Variants in PELI2 observed in about 807,000 individuals in gnomAD.
PELI2 encodes the protein pellino E3 ubiquitin protein ligase family member 2.
In PELI2, 23 loss-of-function variants were observed where a neutral mutation model predicts 42.3. The ratio of observed to expected loss-of-function variants is 0.54; its 90% CI spans 0.39 to 0.77. PELI2 has a LOEUF of 0.77. PELI2 is among the 30% of genes least tolerant of loss of function. The pLI is 0.00. For synonymous variants in PELI2, 245 were observed against 212.2 expected, an observed-to-expected ratio of 1.15 and a Z score of -1.34; for missense variants, 463 against 553.2, an observed-to-expected ratio of 0.84 and a Z score of 1.64.
chr14:56,192,140 C>A (rs1032762915), intron 2 of PELI2, among the ~76,000 whole-genome samples: 2 of 152,198 alleles, frequency 1.3e-5, no homozygotes, highest in Non-Finnish European at 2.9e-5. Context: ...CAGGTGTGAG[C>A]CACCGCACTT....
chr14:56,290,186 A>C, intron 4 of PELI2, 82 bp from the exon 5 acceptor site: 2 of 1,083,978 alleles, frequency 1.8e-6, no homozygotes, highest in Middle Eastern at 2.2e-4. Context: ...GCCTCTATGC[A>C]ATGTATTAAA....
intron 1 of PELI2, among the ~76,000 whole-genome samples, chr14:56,138,862 A>G (rs972621336): frequency 6.6e-6 from 1 of 152,220 alleles, no homozygotes; most frequent in African/African-American, 2.4e-5. Context: ...GGTTGAAACA[A>G]TGATTTCTCC....
At chr14:56,214,379 G>A (rs1213383981) in intron 2 of PELI2, among the ~76,000 whole-genome samples, 1 of 152,172 alleles carries the variant, frequency 6.6e-6, no homozygotes, top group Non-Finnish European at 1.5e-5. Flanking sequence ...TTGGATGTTG[G>A]TGGTATTCAC....
chr14:56,237,690 T>C (rs1887845334), intron 2 of PELI2, among the ~76,000 whole-genome samples: 1 of 150,332 alleles, frequency 6.7e-6, no homozygotes, highest in Non-Finnish European at 1.5e-5. Context: ...CTATTTGATA[T>C]CTAGTGTGTC....
intron 1 of PELI2, among the ~76,000 whole-genome samples, chr14:56,124,554 A>G (rs1883181666): frequency 6.6e-6 from 1 of 152,198 alleles, no homozygotes; most frequent in African/African-American, 2.4e-5. Context: ...TTACTGATAC[A>G]TGGTTCATTT....
rs534220637 is a variant in PELI2 at position 56,273,160 on chromosome 14, C to T, written c.208-6516C>T. ...AGGATCCACTCTCACAGAGGCTTCT[C>T]CATGCACATGTCTGCATCTTGGTGC... is the stretch of plus-strand genomic sequence containing the variant. On this transcript the variant is annotated intron_variant, in intron 2 of 5. Coordinates refer to ENST00000267460, the MANE Select transcript of PELI2 (RefSeq NM_021255.3). This position sits in a 1 kb window ranked among gnomAD's most constrained non-coding sequence, Gnocchi z 4.3. Among the ~76,000 whole-genome samples, 41 of 152,212 alleles carry T rather than the reference C, an allele frequency of 2.7e-4. No homozygotes were observed. The highest frequency in any genetic ancestry group is 5.0e-4 in the Non-Finnish European group (34 of 68,042).
At chr14:56,189,167 T>G (rs1885872993) in intron 2 of PELI2, among the ~76,000 whole-genome samples, 1 of 151,866 alleles carries the variant, frequency 6.6e-6, no homozygotes, top group African/African-American at 2.4e-5. Flanking sequence ...TCAAAGAAAA[T>G]AAAATAAAAC....
chr14:56,153,869 G>A (rs1884455545), intron 1 of PELI2, among the ~76,000 whole-genome samples: 1 of 152,086 alleles, frequency 6.6e-6, no homozygotes, highest in Admixed American at 6.6e-5. Context: ...TTGGGTGCAT[G>A]GTAGCCTTCT....
chr14:56,261,806 A>G (rs1888723923), intron 2 of PELI2, among the ~76,000 whole-genome samples: 1 of 152,224 alleles, frequency 6.6e-6, no homozygotes, highest in East Asian at 1.9e-4. Flanking sequence ...GTATATATTT[A>G]TCTTATAAAT....
intron 2 of PELI2, among the ~76,000 whole-genome samples, chr14:56,272,350 T>C (rs1235330942): frequency 6.6e-6 from 1 of 152,232 alleles, no homozygotes; most frequent in Non-Finnish European, 1.5e-5. Flanking sequence ...CACATGTATG[T>C]GCGTGCATGC....
At position 56,299,979 on chromosome 14, in the gene PELI2, C is replaced by T. The variant is rs1890123957; in HGVS notation, c.*2813C>T. 1 of 152,594 alleles carries T rather than the reference C, an allele frequency of 6.6e-6. No individual in the cohort carries two copies. The allele number at this position is 152,594 out of a possible 1,614,324, so 9.5% of individuals were successfully genotyped here. A position where few individuals can be genotyped will look rare whatever the true frequency, so the allele number is the denominator to read the frequency against. On this transcript the variant is annotated 3_prime_UTR_variant, in exon 6 of 6. Coordinates refer to ENST00000267460, the MANE Select transcript of PELI2 (RefSeq NM_021255.3). ...CGGAATTTTTTATTAATAATCGGTG[C>T]TGCCGGGTCATGCATGCTGCAACTC...
intron 3 of PELI2, among the ~76,000 whole-genome samples, chr14:56,287,911 C>T (rs1889696952): frequency 6.6e-6 from 1 of 152,166 alleles, no homozygotes; most frequent in Non-Finnish European, 1.5e-5. Flanking sequence ...ACTTTATGTG[C>T]ATACATCACA....
In PELI2 at chr14:56,288,905, T is replaced by C. The variant is rs1889732695; in HGVS notation, c.507+271T>C. Among the ~76,000 whole-genome samples, 2 of 152,228 alleles carry C rather than the reference T, an allele frequency of 1.3e-5. No homozygotes were observed. Among genetic ancestry groups the C allele is most frequent in the Non-Finnish European group, 2.9e-5 (2 of 68,042 alleles). ...CCTATAACATTGTCCATAATGTATT[T>C]ACGGCAACGAAGAGGTTTATTTCAG... is the stretch of plus-strand genomic sequence containing the variant. On this transcript the variant is annotated intron_variant, in intron 4 of 5. Coordinates refer to ENST00000267460, the MANE Select transcript of PELI2 (RefSeq NM_021255.3). The surrounding 1 kb of genome is among the most constrained non-coding windows in gnomAD (Gnocchi z 4.6).
intron 2 of PELI2, among the ~76,000 whole-genome samples, chr14:56,228,885 G>A (rs1211082441): frequency 6.6e-6 from 1 of 152,160 alleles, no homozygotes; most frequent in East Asian, 1.9e-4. Flanking sequence ...CTGGAAAATC[G>A]GGACACTCCC....
chr14:56,217,583 CTG>C (rs1175314219), intron 2 of PELI2, among the ~76,000 whole-genome samples: 10 of 152,230 alleles, frequency 6.6e-5, no homozygotes, highest in Non-Finnish European at 1.0e-4. Flanking sequence ...CATCAGGAAA[CTG>C]TGTAGTTTTT....
chr14:56,186,727 CTG>C (rs1885781515), intron 2 of PELI2, among the ~76,000 whole-genome samples: 1 of 152,090 alleles, frequency 6.6e-6, no homozygotes, highest in African/African-American at 2.4e-5. Context: ...ACTTAATTAT[CTG>C]TGTAATTATC....
chr14:56,192,841 T>G (rs1260552614), intron 2 of PELI2, among the ~76,000 whole-genome samples: 1 of 152,248 alleles, frequency 6.6e-6, no homozygotes. Flanking sequence ...CTGTTTTTAT[T>G]TGTAAGAACA....
At position 56,233,229 on chromosome 14, in the gene PELI2, T is replaced by G. The variant is rs138237768; in HGVS notation, c.208-46447T>G. 3.9e-3 allele frequency among the ~76,000 whole-genome samples: 593 copies of G among 152,324 alleles called. 10 individuals carry two copies. The highest frequency in any genetic ancestry group is 0.035 in the Admixed American group (537 of 15,294). ...ATCCCCATCAAGCTAGCAGTGACTT[T>G]CTTCACAGAATTGGAAAAAACTACT... On this transcript the variant is annotated intron_variant, in intron 2 of 5. Transcript: ENST00000267460.
Position 56,291,095 on chromosome 14 carries a change from A to G in PELI2, c.696+639A>G, listed in dbSNP as rs145755018. Among the ~76,000 whole-genome samples the G allele has an allele frequency of 4.9e-4, 74 of 152,326 alleles. No individual in the cohort carries two copies. The South Asian group carries it at 5.6e-3, about 12-fold the overall frequency. ...TTGGAGAATAATTATAATACCTTAA[A>G]TATAGAACTTTGGGTTTCTGATCTT... On this transcript the variant is annotated intron_variant, in intron 5 of 5. Transcript: ENST00000267460.
Sources: allele counts gnomAD v4.1 joint callset (sites outside exome capture counted in the v4.1 genomes callset), GRCh38; gene constraint gnomAD v4.1.1; non-coding constraint Gnocchi (gnomAD v3.1); transcripts MANE v1.5; gene names NCBI Gene and HGNC (gene_info 2026-07-23, HGNC 2026-07-21).